The following SGCZ variants were observed in gnomAD, a reference collection of about 807,000 sequenced individuals.
The protein encoded by SGCZ is sarcoglycan zeta.
Under a neutral mutation model 41.3 loss-of-function variants are expected in SGCZ, and 40 were observed. The observed-to-expected ratio is 0.97, with a 90% confidence interval of 0.75 to 1.26. The LOEUF (loss-of-function observed/expected upper bound fraction) is 1.26. Ranked by LOEUF, SGCZ falls within the 50% of genes most tolerant of loss-of-function variation. The pLI is 0.00. For missense variants in SGCZ, 552 were observed against 369.8 expected (o/e 1.49, Z -4.04); for synonymous variants, 206 against 137.5 (o/e 1.50, Z -3.49).
chr8:14,216,865 A>C (rs1025889764), intron 4 of SGCZ, among the ~76,000 whole-genome samples: 6 of 152,216 alleles, frequency 3.9e-5, no homozygotes, highest in African/African-American at 1.2e-4. Context: ...TGTATTCAGC[A>C]AAATAAGGCA....
At chr8:14,907,728 C>T (rs1345195376) in intron 1 of SGCZ, among the ~76,000 whole-genome samples, 1 of 151,974 alleles carries the variant, frequency 6.6e-6, no homozygotes, top group Non-Finnish European at 1.5e-5. Flanking sequence ...GTTGTCTTCC[C>T]TCTCTCTCTA....
intron 1 of SGCZ, among the ~76,000 whole-genome samples, chr8:15,004,644 T>C (rs7837047): frequency 2.0e-5 from 3 of 151,744 alleles, no homozygotes; most frequent in Non-Finnish European, 4.4e-5. Flanking sequence ...TCTCCCATTT[T>C]CCTTCAGTAA....
chr8:14,365,430 T>A (rs1455575338), intron 2 of SGCZ, among the ~76,000 whole-genome samples: 1 of 152,146 alleles, frequency 6.6e-6, no homozygotes. Context: ...ATGTATCATC[T>A]CATTTACATA....
chr8:14,265,624 T>A (rs1263376982), intron 3 of SGCZ, among the ~76,000 whole-genome samples: 1 of 152,098 alleles, frequency 6.6e-6, no homozygotes, highest in African/African-American at 2.4e-5. Context: ...TGTGCTCATG[T>A]AAAATTAAAT....
chr8:14,122,377 A>G (rs563902390), intron 5 of SGCZ, among the ~76,000 whole-genome samples: 1 of 152,290 alleles, frequency 6.6e-6, no homozygotes, highest in African/African-American at 2.4e-5. Context: ...TAACAAAAAC[A>G]TTCTGGGGTC....
chr8:14,246,494 C>T (rs1389865752), intron 3 of SGCZ, among the ~76,000 whole-genome samples: 5 of 151,084 alleles, frequency 3.3e-5, no homozygotes, highest in Non-Finnish European at 7.4e-5. Context: ...ATACCTAATG[C>T]TAAATGACGA....
At chr8:14,381,741 G>T (rs564131409) in intron 2 of SGCZ, among the ~76,000 whole-genome samples, 87 of 151,788 alleles carry the variant, frequency 5.7e-4, no homozygotes, top group African/African-American at 2.1e-3. Flanking sequence ...AGCCATGATT[G>T]CGCCACTGCC....
At chr8:15,191,157 T>C (rs1303898784) in intron 1 of SGCZ, among the ~76,000 whole-genome samples, 1 of 152,146 alleles carries the variant, frequency 6.6e-6, no homozygotes, top group Non-Finnish European at 1.5e-5. Context: ...CTAAAAGGCT[T>C]TGTGTTTATT....
chr8:15,197,492 A>C (rs901869297), intron 1 of SGCZ, among the ~76,000 whole-genome samples: 2 of 152,242 alleles, frequency 1.3e-5, no homozygotes, highest in Non-Finnish European at 2.9e-5. Context: ...AAGCACTGGT[A>C]TCTTCGCAGA....
At chr8:14,713,942 T>C (rs561735803) in intron 1 of SGCZ, among the ~76,000 whole-genome samples, 3 of 152,232 alleles carry the variant, frequency 2.0e-5, no homozygotes, top group Middle Eastern at 3.4e-3. Context: ...GGTAACTCCA[T>C]TTTAAGTCTA....
At chr8:15,141,380 C>T (rs915843013) in intron 1 of SGCZ, among the ~76,000 whole-genome samples, 4 of 152,180 alleles carry the variant, frequency 2.6e-5, no homozygotes, top group Non-Finnish European at 5.9e-5. Context: ...ATTCTTAGGG[C>T]GTCAGCCATA....
chr8:15,008,058 T>A (rs562813617), intron 1 of SGCZ, among the ~76,000 whole-genome samples: 1 of 152,164 alleles, frequency 6.6e-6, no homozygotes, highest in Non-Finnish European at 1.5e-5. Flanking sequence ...TGATTTTCTA[T>A]AAAAATATCA....
chr8:14,772,214 G>C (rs560453437), intron 1 of SGCZ, among the ~76,000 whole-genome samples: 1 of 152,274 alleles, frequency 6.6e-6, no homozygotes, highest in African/African-American at 2.4e-5. Context: ...GCTAGGCCAA[G>C]CTAAAATGTT....
rs910947081 is a variant in SGCZ, at chr8:14,090,773, GAACA to G, written c.745-140_745-137del. The stretch of plus-strand genomic sequence containing the variant: ...CATGGTTTAGCTGCCATGCTTTGTT[GAACA>G]AACAAATTACATTCCTACAGTAGAG... On this transcript the variant is annotated intron_variant, in intron 7 of 7. Coordinates refer to ENST00000382080, the MANE Select transcript of SGCZ (RefSeq NM_139167.4). 8 of 746,980 alleles carry G rather than the reference GAACA, an allele frequency of 1.1e-5. No individual in the cohort carries two copies. The African/African-American group carries it at 1.2e-4, about 12-fold the overall frequency. 46.3% of individuals were successfully genotyped at this position (746,980 alleles called of 1,614,324 possible). A position where few individuals can be genotyped will look rare whatever the true frequency, so the allele number is the denominator to read the frequency against.
rs79383720 is a variant in SGCZ, at chr8:14,526,695, T to C, written c.234+28037A>G. 9.3e-4 allele frequency among the ~76,000 whole-genome samples: 141 copies of C among 152,290 alleles called. 2 individuals carry two copies. Among genetic ancestry groups the C allele is most frequent in the South Asian group, 5.0e-3 (24 of 4,828 alleles). On this transcript the variant is annotated intron_variant, in intron 2 of 7. Coordinates refer to ENST00000382080, the MANE Select transcript of SGCZ (RefSeq NM_139167.4). ...CAGTAAAGCTGTTGACTGTTTCTAG[T>C]AGTTTCATTGTTCTGAGAGTGTGAA...
intron 3 of SGCZ, among the ~76,000 whole-genome samples, chr8:14,252,932 C>G (rs1373146535): frequency 1.3e-5 from 2 of 152,108 alleles, no homozygotes; most frequent in Non-Finnish European, 2.9e-5. Context: ...GAAAATACAT[C>G]TTTTTGTAAC....
At chr8:14,347,391 A>G (rs1802926228) in intron 2 of SGCZ, among the ~76,000 whole-genome samples, 1 of 152,114 alleles carries the variant, frequency 6.6e-6, no homozygotes, top group South Asian at 2.1e-4. Context: ...TCATTAAATT[A>G]TTAATTGTTC....
Position 14,098,176 on chromosome 8 carries a change from T to C in SGCZ, c.744+4200A>G, listed in dbSNP as rs1282924216. Among the ~76,000 whole-genome samples, 9 of 152,278 alleles carry C rather than the reference T, an allele frequency of 5.9e-5. No individual in the cohort carries two copies. In the East Asian group the frequency reaches 1.7e-3, roughly 29 times the overall value. On this transcript the variant is annotated intron_variant, in intron 7 of 7. Transcript: ENST00000382080. ...GAATGGCTGCATTTATCAACAGTAT[T>C]CAAAGTTAAAAAGCATGATTACAGC...
chr8:14,296,342 C>G (rs549785935), intron 3 of SGCZ, among the ~76,000 whole-genome samples: 1 of 152,128 alleles, frequency 6.6e-6, no homozygotes, highest in East Asian at 1.9e-4. Context: ...CTGAGAGTTG[C>G]CAGCATATAG....
Sources: allele counts gnomAD v4.1 joint callset (sites outside exome capture counted in the v4.1 genomes callset), GRCh38; gene constraint gnomAD v4.1.1; transcripts MANE v1.5; gene names NCBI Gene and HGNC (gene_info 2026-07-23, HGNC 2026-07-21).